Variants in EVI5 observed in about 807,000 individuals in gnomAD.
The protein encoded by EVI5 is ecotropic viral integration site 5, also known as ecotropic viral integration site 5 protein homolog.
A neutral mutation model predicts 112.0 loss-of-function variants in EVI5; 73 were observed. The ratio of observed to expected loss-of-function variants is 0.65; its 90% confidence interval spans 0.54 to 0.79. The LOEUF (loss-of-function observed/expected upper bound fraction) is 0.79. Ranked by LOEUF, EVI5 falls within the 30% of genes least tolerant of loss-of-function variation. EVI5 has a pLI of 0.00. For synonymous variants in EVI5, 305 were observed against 319.9 expected (o/e 0.95, Z 0.50); for missense variants, 900 against 968.8 (o/e 0.93, Z 0.94).
chr1:92,609,732 C>A (rs1464404327), intron 16 of EVI5, among the ~76,000 whole-genome samples: 1 of 152,010 alleles, frequency 6.6e-6, no homozygotes, highest in African/African-American at 2.4e-5. Flanking sequence ...ATGAAAAAGA[C>A]CCCCCTCCAG....
Position 92,638,565 on chromosome 1 carries a change from A to T in EVI5, c.1393-2229T>A, listed in dbSNP as rs1659346485. The stretch of plus-strand genomic sequence containing the variant: ...AGTTTCAATTTATTCTATTTTCCAC[A>T]GGGGGAAAACAGTTTTATAAACATG... On this transcript the variant is annotated intron_variant, in intron 13 of 19. Coordinates refer to ENST00000684568, the MANE Select transcript of EVI5 (RefSeq NM_001350197.2). 2.0e-5 allele frequency among the ~76,000 whole-genome samples: 3 copies of T among 152,156 alleles called. No homozygotes were observed. In the South Asian group the frequency reaches 6.2e-4, roughly 31 times the overall value.
intron 19 of EVI5, among the ~76,000 whole-genome samples, chr1:92,549,368 A>C (rs1419830274): frequency 2.6e-5 from 4 of 152,262 alleles, no homozygotes; most frequent in East Asian, 1.9e-4. Flanking sequence ...TAAAGACTTA[A>C]ATGTTAGACC....
At chr1:92,673,174 A>G (rs932886954) in intron 10 of EVI5, among the ~76,000 whole-genome samples, 1 of 142,980 alleles carries the variant, frequency 7.0e-6, no homozygotes, top group South Asian at 2.3e-4. Context: ...GGCAACTTAG[A>G]TAACACTTCT....
At chr1:92,775,200 G>C (rs774704401) in intron 1 of EVI5, among the ~76,000 whole-genome samples, 12 of 152,212 alleles carry the variant, frequency 7.9e-5, no homozygotes, top group Non-Finnish European at 1.6e-4. Flanking sequence ...GACTGAGGCA[G>C]GTGGATCATT....
intron 13 of EVI5, among the ~76,000 whole-genome samples, chr1:92,662,242 C>T (rs915857457): frequency 1.3e-5 from 2 of 152,102 alleles, no homozygotes; most frequent in African/African-American, 4.8e-5. Flanking sequence ...GAAGTCTAAG[C>T]AATAGTATTT....
chr1:92,761,207 A>G (rs894125221), intron 1 of EVI5, among the ~76,000 whole-genome samples: 3 of 152,188 alleles, frequency 2.0e-5, no homozygotes, highest in African/African-American at 7.2e-5. Context: ...AGTTTTATAG[A>G]AACCATACAC....
Position 92,646,239 on chromosome 1 carries a change from CA to C in EVI5, c.1393-9904del, listed in dbSNP as rs139054063. Among the ~76,000 whole-genome samples, 5 of 151,890 alleles carry C rather than the reference CA, an allele frequency of 3.3e-5. No individual in the cohort carries two copies. The East Asian group carries it at 7.7e-4, about 23-fold the overall frequency. ...AAAACATTTCAGCATTCTAAACATA[CA>C]AAAAAAACCCCAGAACACTGAAAAT... On this transcript the variant is annotated intron_variant, in intron 13 of 19. Coordinates refer to ENST00000684568, the MANE Select transcript of EVI5 (RefSeq NM_001350197.2).
intron 19 of EVI5, among the ~76,000 whole-genome samples, chr1:92,536,307 A>G (rs1663881154): frequency 2.6e-5 from 4 of 152,234 alleles, no homozygotes; most frequent in South Asian, 4.1e-4. Flanking sequence ...AAGGAAAGCG[A>G]TAAGTTATTA....
rs1679001734 is a variant in EVI5 at position 92,744,649 on chromosome 1, G to A, written c.-81-8022C>T. ...ACACACACACACACACACACACAGA[G>A]GACGGCAGACTTGAAGACAATCTGG... On this transcript the variant is annotated intron_variant, in intron 1 of 19. Coordinates refer to ENST00000684568, the MANE Select transcript of EVI5 (RefSeq NM_001350197.2). Among the ~76,000 whole-genome samples, 5 of 150,226 alleles carry A rather than the reference G, an allele frequency of 3.3e-5. No individual in the cohort carries two copies. In the South Asian group the frequency reaches 1.0e-3, roughly 32 times the overall value.
intron 13 of EVI5, among the ~76,000 whole-genome samples, chr1:92,644,598 T>C (rs1660603632): frequency 6.6e-6 from 1 of 152,190 alleles, no homozygotes; most frequent in Non-Finnish European, 1.5e-5. Context: ...AGATTATTGG[T>C]TTGAGACTTA....
At chr1:92,637,125 C>A (rs764072236) in intron 13 of EVI5, among the ~76,000 whole-genome samples, 1 of 152,282 alleles carries the variant, frequency 6.6e-6, no homozygotes, top group East Asian at 1.9e-4. Flanking sequence ...TGCATGGTTT[C>A]CCAGCACTTT....
chr1:92,685,117 A>T (rs1002348901), intron 9 of EVI5, among the ~76,000 whole-genome samples: 7 of 152,220 alleles, frequency 4.6e-5, no homozygotes, highest in African/African-American at 1.7e-4. Flanking sequence ...TCTCAGCACC[A>T]CATGGCACTT....
chr1:92,673,458 G>A (rs569562823), intron 10 of EVI5, among the ~76,000 whole-genome samples: 3 of 151,692 alleles, frequency 2.0e-5, no homozygotes, highest in Non-Finnish European at 4.4e-5. Context: ...AAAGATTTGT[G>A]GGTTACCCTA....
intron 10 of EVI5, among the ~76,000 whole-genome samples, chr1:92,672,082 G>C (rs1665979220): frequency 6.6e-6 from 1 of 152,042 alleles, no homozygotes; most frequent in Non-Finnish European, 1.5e-5. Context: ...TGGGATTACA[G>C]GCATAAGCCA....
rs572047986 is a variant in EVI5 at position 92,744,001 on chromosome 1, C to A, written c.-81-7374G>T. On this transcript the variant is annotated intron_variant, in intron 1 of 19. Coordinates refer to ENST00000684568, the MANE Select transcript of EVI5 (RefSeq NM_001350197.2). ...GATTCAATATAAATCAAACTCTAAG[C>A]ACTGCTTTTGCTGCTTTTCATTTTC... Among the ~76,000 whole-genome samples the A allele has an allele frequency of 2.0e-5, 3 of 152,234 alleles. No individual in the cohort carries two copies. The South Asian group carries it at 6.2e-4, about 32-fold the overall frequency.
At chr1:92,516,286 A>G (rs984163199) in intron 19 of EVI5, among the ~76,000 whole-genome samples, 2 of 152,070 alleles carry the variant, frequency 1.3e-5, no homozygotes, top group African/African-American at 4.8e-5. Flanking sequence ...CAACTTCCCA[A>G]CTGTTTGGAA....
intron 18 of EVI5, among the ~76,000 whole-genome samples, 189 bp from the exon 19 acceptor site, chr1:92,563,926 T>A (rs139571769): frequency 0.013 from 2,052 of 152,290 alleles, 14 homozygotes; most frequent in South Asian, 0.021. Context: ...TTAATTAATT[T>A]ATTTATTTAG....
chr1:92,649,303 T>G (rs149418406), intron 13 of EVI5, among the ~76,000 whole-genome samples: 1 of 152,214 alleles, frequency 6.6e-6, no homozygotes, highest in African/African-American at 2.4e-5. Context: ...TGCAACTATT[T>G]TCTACCATTC....
chr1:92,618,561 T>TTA (rs1472923506), intron 16 of EVI5, among the ~76,000 whole-genome samples: 9 of 152,146 alleles, frequency 5.9e-5, no homozygotes, highest in African/African-American at 2.2e-4. Context: ...TACCATGCCC[T>TTA]GTGATTAAGG....
Sources: gnomAD v4.1 joint callset for allele counts (sites outside exome capture counted in the v4.1 genomes callset) on GRCh38, gnomAD v4.1.1 for gene constraint, MANE v1.5 for transcripts, NCBI Gene and HGNC (gene_info 2026-07-23, HGNC 2026-07-21) for gene names.